PCNX1: variants seen among roughly 807,000 people sequenced by gnomAD.
The protein encoded by PCNX1 is pecanex 1.
Under a neutral mutation model 242.2 loss-of-function variants are expected in PCNX1, and 78 were observed. The observed-to-expected ratio is 0.32, with a 90% confidence interval of 0.27 to 0.39. The LOEUF (loss-of-function observed/expected upper bound fraction) is 0.39. Ranked by LOEUF, PCNX1 falls within the 10% of genes least tolerant of loss-of-function variation. The pLI, the probability that PCNX1 is intolerant of heterozygous loss-of-function variation, is 1.00. For synonymous variants in PCNX1, 1,024 were observed against 1,032.9 expected (o/e 0.99, Z 0.17); for missense variants, 2,581 against 2,856.5 (o/e 0.90, Z 2.20).
At position 70,977,718 on chromosome 14, in the gene PCNX1, A is replaced by C; in HGVS notation, c.1381A>C (p.Asn461His). 6.2e-7 allele frequency: 1 copy of C among 1,614,156 alleles called. No homozygotes were observed. The highest frequency in any genetic ancestry group is 8.5e-7 in the Non-Finnish European group (1 of 1,180,018). The change falls in exon 6 of 36, where the codon AAC becomes CAC. Residue 461 changes from asparagine to histidine, a missense_variant. Transcript: ENST00000304743. ...AAAGATTGCTATGGAAGCGAGTACC[A>C]ACAGTGGGGTTCACGAGGCCAAGGA... The part of the protein sequence containing the change: ...SEKIAMEAST[N>H]SGVHEAKDPT...
At chr14:70,964,123 A>G (rs1173963606) in intron 3 of PCNX1, among the ~76,000 whole-genome samples, 2 of 152,042 alleles carry the variant, frequency 1.3e-5, no homozygotes, top group African/African-American at 4.8e-5. Flanking sequence ...CTGGAGTGCA[A>G]TGGCACAATC....
At chr14:70,991,572 A>G (rs189536528) in intron 7 of PCNX1, among the ~76,000 whole-genome samples, 1 of 152,294 alleles carries the variant, frequency 6.6e-6, no homozygotes, top group African/African-American at 2.4e-5. Flanking sequence ...ATCAGCTTGT[A>G]GTTTTTGTTG....
chr14:71,111,688 C>T lies in PCNX1; in HGVS notation c.*1753C>T, dbSNP rs1238572075. On this transcript the variant is annotated 3_prime_UTR_variant, in exon 36 of 36. Transcript: ENST00000304743. ...AATAGTGAACATACAGAACTTACTG[C>T]ATTTCCACTTTAAAACCTATTTATT... 1 of 152,072 alleles carries T rather than the reference C, an allele frequency of 6.6e-6. No homozygotes were observed. Among genetic ancestry groups the T allele is most frequent in the Non-Finnish European group, 1.5e-5 (1 of 67,958 alleles). 9.4% of individuals were successfully genotyped at this position (152,072 alleles called of 1,614,324 possible). A position where few individuals can be genotyped will look rare whatever the true frequency, so the allele number is the denominator to read the frequency against.
In PCNX1 at chr14:71,078,353, A is replaced by G. The variant is rs2061768933; in HGVS notation, c.5337+1934A>G. 2.0e-5 allele frequency among the ~76,000 whole-genome samples: 3 copies of G among 152,136 alleles called. No homozygotes were observed. In the South Asian group the frequency reaches 6.2e-4, roughly 32 times the overall value. On this transcript the variant is annotated intron_variant, in intron 28 of 35. Transcript: ENST00000304743. The stretch of plus-strand genomic sequence containing the variant: ...GCTGACTCCAAACTGTAGTGCCCTC[A>G]TCTGAATGTTTAAAAGCTGCCTCAG...
chr14:71,002,210 A>G (rs1054041515), intron 8 of PCNX1, among the ~76,000 whole-genome samples: 2 of 152,190 alleles, frequency 1.3e-5, no homozygotes, highest in African/African-American at 4.8e-5. Context: ...TCTGATGAGT[A>G]ATAATTTTTA....
chr14:70,953,118 TAAAAA>T (rs1324614348), intron 2 of PCNX1, among the ~76,000 whole-genome samples: 1 of 150,824 alleles, frequency 6.6e-6, no homozygotes, highest in Non-Finnish European at 1.5e-5. Context: ...AAATAAAAAA[TAAAAA>T]AAAATTTTAG....
In PCNX1 at chr14:71,008,128, T is replaced by C. The variant is rs115454011; in HGVS notation, c.2630-1506T>C. ...AGCATAACTTTTATGATCCATAGAA[T>C]GTACTTAAATAATTCAAATTGTTGT... On this transcript the variant is annotated intron_variant, in intron 8 of 35. Transcript: ENST00000304743. Among the ~76,000 whole-genome samples the C allele has an allele frequency of 8.5e-3, 1,290 of 152,258 alleles. 21 individuals carry two copies. Among genetic ancestry groups the C allele is most frequent in the African/African-American group, 0.03 (1,243 of 41,542 alleles).
chr14:70,976,372 CTTTT>C (rs869087088), intron 5 of PCNX1, among the ~76,000 whole-genome samples: 5 of 82,674 alleles, frequency 6.0e-5, no homozygotes, highest in Admixed American at 1.3e-4. Context: ...TTCTTTCTTT[CTTTT>C]TTTTTTTTTT....
chr14:70,996,090 T>G (rs1459387622), intron 8 of PCNX1, among the ~76,000 whole-genome samples, 165 bp downstream of exon 8: 1 of 152,200 alleles, frequency 6.6e-6, no homozygotes, highest in Non-Finnish European at 1.5e-5. Context: ...ACTTTTTGCT[T>G]TTTCCTTTTC....
At position 70,974,902 on chromosome 14, in the gene PCNX1, G is replaced by T. The variant is rs577647147; in HGVS notation, c.605-2040G>T. On this transcript the variant is annotated intron_variant, in intron 5 of 35. Transcript: ENST00000304743. ...ACAGTAAGAAAAAATATATTTACCT[G>T]AAAATTTCCTGAAACCACCGAAATT... Among the ~76,000 whole-genome samples, 3 of 152,166 alleles carry T rather than the reference G, an allele frequency of 2.0e-5. No individual in the cohort carries two copies. In the East Asian group the frequency reaches 5.8e-4, roughly 29 times the overall value.
intron 7 of PCNX1, among the ~76,000 whole-genome samples, chr14:70,990,224 A>G (rs1380783264): frequency 3.9e-5 from 6 of 152,086 alleles, no homozygotes; most frequent in Admixed American, 3.9e-4. Context: ...CCAGTTCACA[A>G]ATTGTTCATT....
At chr14:71,008,588 A>G (rs4902871) in intron 8 of PCNX1, among the ~76,000 whole-genome samples, 79,790 of 147,834 alleles carry the variant, frequency 0.54, 22,238 homozygotes, top group East Asian at 0.74. Context: ...CCCGGGAGGC[A>G]GAGCTTGCAG....
At chr14:70,951,437 C>T (rs148139713) in intron 2 of PCNX1, among the ~76,000 whole-genome samples, 1,782 of 152,028 alleles carry the variant, frequency 0.012, 60 homozygotes, top group East Asian at 0.1. Flanking sequence ...TGCAGTGGTG[C>T]GATCTCGGCT....
chr14:71,051,717 G>C (rs2061040776), intron 23 of PCNX1, among the ~76,000 whole-genome samples, 166 bp from the exon 24 acceptor site: 1 of 152,110 alleles, frequency 6.6e-6, no homozygotes, highest in African/African-American at 2.4e-5. Context: ...CTTTCTGTTG[G>C]TGACCCCTTA....
intron 1 of PCNX1, among the ~76,000 whole-genome samples, chr14:70,917,395 A>C (rs1219816847): frequency 2.0e-5 from 3 of 152,198 alleles, no homozygotes; most frequent in Admixed American, 6.5e-5. Flanking sequence ...CTTGATAGTC[A>C]AAATTACTCC....
chr14:70,946,889 A>G (rs367776865), intron 1 of PCNX1, 26 bp from the exon 2 acceptor site: 2 of 1,405,112 alleles, frequency 1.4e-6, no homozygotes, highest in African/African-American at 1.4e-5. Flanking sequence ...TTTAAAATGT[A>G]TTTCCTTATT....
chr14:71,112,192 T>C lies in PCNX1; in HGVS notation c.*2257T>C, dbSNP rs1285982505. On this transcript the variant is annotated 3_prime_UTR_variant, in exon 36 of 36. Coordinates refer to ENST00000304743, the MANE Select transcript of PCNX1 (RefSeq NM_014982.3). ...ACAGAAAAAAAATCTGACCTTTACATGATTTAATCTGAAGGGCTAGAATTT... is the reference window on the plus strand; with the variant it reads ...ACAGAAAAAAAATCTGACCTTTACACGATTTAATCTGAAGGGCTAGAATTT... 1.3e-5 allele frequency: 2 copies of C among 152,364 alleles called. No individual in the cohort carries two copies. Among genetic ancestry groups the C allele is most frequent in the African/African-American group, 4.8e-5 (2 of 41,456 alleles). The allele number at this position is 152,364 out of a possible 1,614,324, so 9.4% of individuals were successfully genotyped here.
intron 1 of PCNX1, among the ~76,000 whole-genome samples, chr14:70,908,363 G>C (rs2810075): frequency 0.7 from 106,697 of 151,970 alleles, 37,462 homozygotes; most frequent in South Asian, 0.77. Flanking sequence ...GCGCTCTGCG[G>C]CTTTAGGGGA....
At chr14:71,080,794 T>C (rs550691519) in intron 28 of PCNX1, among the ~76,000 whole-genome samples, 5 of 152,338 alleles carry the variant, frequency 3.3e-5, no homozygotes, top group Admixed American at 2.0e-4. Context: ...TTTCTAAATA[T>C]ACAGTCATGT....
Sources: gnomAD v4.1 joint callset for allele counts (sites outside exome capture counted in the v4.1 genomes callset) on GRCh38, gnomAD v4.1.1 for gene constraint, MANE v1.5 for transcripts, NCBI Gene and HGNC (gene_info 2026-07-23, HGNC 2026-07-21) for gene names.